The following FRMPD4 variants were observed in gnomAD, a reference collection of about 807,000 sequenced individuals.
FRMPD4 encodes the protein FERM and PDZ domain containing 4.
In FRMPD4, 22 loss-of-function variants were observed where a neutral mutation model predicts 94.1. The observed-to-expected ratio is 0.23, with a 90% CI of 0.17 to 0.33. The LOEUF (loss-of-function observed/expected upper bound fraction) is 0.33. FRMPD4 is among the 10% of genes least tolerant of loss of function. FRMPD4 has a pLI of 1.00. For synonymous variants in FRMPD4, 631 were observed against 548.6 expected (o/e 1.15, Z -2.10); for missense variants, 1,111 against 1,339.9 (o/e 0.83, Z 2.67).
At chrX:11,974,957 G>A (rs944167727) in intron 3 of FRMPD4, among the ~76,000 whole-genome samples, 4 of 111,797 alleles carry the variant, frequency 3.6e-5, no homozygotes, top group African/African-American at 1.3e-4. Context: ...TTCCTGATAT[G>A]CTAGGGCTGA....
chrX:12,325,364 G>A (rs1473930848), intron 1 of FRMPD4, among the ~76,000 whole-genome samples: 5 of 112,530 alleles, frequency 4.4e-5, no homozygotes, highest in Non-Finnish European at 3.8e-5. Context: ...TTTGCCATCT[G>A]GCCTTTCACA....
Position 12,182,576 on chromosome X carries a change from A to AT in FRMPD4, c.41+43564_41+43565insT, listed in dbSNP as rs1491448902. Among the ~76,000 whole-genome samples, 50 of 108,541 alleles carry AT rather than the reference A, an allele frequency of 4.6e-4. 1 individual carries two copies. In the East Asian group the frequency reaches 7.8e-3, roughly 17 times the overall value. The allele number at this position is 108,541 out of a possible 115,157, so 94.3% of individuals were successfully genotyped here. A position where few individuals can be genotyped will look rare whatever the true frequency, so the allele number is the denominator to read the frequency against. ...GGAGGGGGAAAATAAATAAATAAATAAATATATATATATATGTCATCACTT... is the reference window on the plus strand; with the variant it reads ...GGAGGGGGAAAATAAATAAATAAATATAATATATATATATATGTCATCACTT... On this transcript the variant is annotated intron_variant, in intron 1 of 16. Transcript: ENST00000675598.
At chrX:12,675,064 A>G (rs1261683323) in intron 5 of FRMPD4, among the ~76,000 whole-genome samples, 156 bp downstream of exon 5, 5 of 112,161 alleles carry the variant, frequency 4.5e-5, no homozygotes, top group Non-Finnish European at 9.4e-5. Context: ...TGTAATTTAT[A>G]CTCCATGTTA....
chrX:12,482,059 T>C (rs944747754), intron 1 of FRMPD4, among the ~76,000 whole-genome samples: 1 of 108,543 alleles, frequency 9.2e-6, no homozygotes, highest in Non-Finnish European at 1.9e-5. Context: ...TCTTCATCCT[T>C]ATCGTCTTCA....
chrX:12,500,739 T>C (rs1324341790), intron 2 of FRMPD4, among the ~76,000 whole-genome samples: 2 of 111,632 alleles, frequency 1.8e-5, no homozygotes, highest in Non-Finnish European at 3.8e-5. Flanking sequence ...CCCCAGAGTT[T>C]GAATTCATAA....
chrX:12,626,567 G>T (rs945067536), intron 4 of FRMPD4, among the ~76,000 whole-genome samples: 1 of 100,385 alleles, frequency 1.0e-5, no homozygotes, highest in Non-Finnish European at 2.0e-5. Flanking sequence ...TTACTTGGGG[G>T]GCCCAGCAAA....
intron 1 of FRMPD4, among the ~76,000 whole-genome samples, chrX:12,288,941 A>G (rs1309606762): frequency 8.9e-6 from 1 of 112,157 alleles, no homozygotes; most frequent in African/African-American, 3.2e-5. Flanking sequence ...GTGTTAGGAG[A>G]TGAGCTGATT....
chrX:11,874,911 C>T (rs1011071250), intron 2 of FRMPD4, among the ~76,000 whole-genome samples: 5 of 111,321 alleles, frequency 4.5e-5, no homozygotes, highest in Admixed American at 2.9e-4. Flanking sequence ...ATAGGGAGCT[C>T]ATCATATTCC....
chrX:12,435,932 AATTT>A (rs2057061629), intron 1 of FRMPD4, among the ~76,000 whole-genome samples: 1 of 111,505 alleles, frequency 9.0e-6, no homozygotes, highest in Non-Finnish European at 1.9e-5. Flanking sequence ...CCAGATTTTA[AATTT>A]ATTACCTTAA....
chrX:12,163,462 TAAAAA>T lies in FRMPD4; in HGVS notation c.41+24472_41+24476del, dbSNP rs201319402. On this transcript the variant is annotated intron_variant, in intron 1 of 16. Transcript: ENST00000675598. ...TTTTTTTTATTCCAATGACCCTTTG[TAAAAA>T]AAAAAAAAAAAAAAAAAAAAATAGA... 6.8e-3 allele frequency among the ~76,000 whole-genome samples: 462 copies of T among 67,627 alleles called. 3 individuals carry two copies. The highest frequency in any genetic ancestry group is 0.021 in the African/African-American group (367 of 17,791). The allele number at this position is 67,627 out of a possible 115,157, so 58.7% of individuals were successfully genotyped here. A position where few individuals can be genotyped will look rare whatever the true frequency, so the allele number is the denominator to read the frequency against.
intron 4 of FRMPD4, among the ~76,000 whole-genome samples, chrX:12,626,184 C>T (rs1380152273): frequency 9.1e-6 from 1 of 109,383 alleles, no homozygotes; most frequent in African/African-American, 3.3e-5. Flanking sequence ...TAAAAATTAG[C>T]CAGGCATGGT....
At chrX:12,018,120 C>A (rs1476401058) in intron 3 of FRMPD4, among the ~76,000 whole-genome samples, 1 of 109,793 alleles carries the variant, frequency 9.1e-6, no homozygotes, top group East Asian at 2.8e-4. Context: ...TAACAAAGAA[C>A]CACAAACTAC....
At chrX:12,694,200 G>T (rs1786858700) in intron 8 of FRMPD4, 135 bp from the exon 9 acceptor site, 5 of 466,659 alleles carry the variant, frequency 1.1e-5, no homozygotes, top group Non-Finnish European at 1.5e-5. Flanking sequence ...TTCAGGGAAT[G>T]AGTATCTATA....
intron 2 of FRMPD4, among the ~76,000 whole-genome samples, chrX:12,525,290 T>G (rs1267205215): frequency 9.0e-6 from 1 of 111,663 alleles, no homozygotes; most frequent in Non-Finnish European, 1.9e-5. Context: ...TAGGCACAAC[T>G]GACCAGCATT....
chrX:12,033,156 T>C (rs1386577414), intron 3 of FRMPD4, among the ~76,000 whole-genome samples: 1 of 111,760 alleles, frequency 8.9e-6, no homozygotes, highest in African/African-American at 3.3e-5. Context: ...TTGTTAGGGT[T>C]AAGATTAGGC....
intron 1 of FRMPD4, among the ~76,000 whole-genome samples, chrX:12,211,459 A>G (rs1206048512): frequency 8.9e-6 from 1 of 112,240 alleles, no homozygotes; most frequent in Admixed American, 9.4e-5. Flanking sequence ...TTCTATCTGC[A>G]TGTTTAGTTT....
chrX:12,549,106 A>G (rs776728874), intron 2 of FRMPD4, among the ~76,000 whole-genome samples: 1 of 111,814 alleles, frequency 8.9e-6, no homozygotes, highest in East Asian at 2.8e-4. Flanking sequence ...GAATACTGAT[A>G]CAACTAGCAA....
chrX:12,544,391 G>C (rs762740678), intron 2 of FRMPD4, among the ~76,000 whole-genome samples: 1 of 111,527 alleles, frequency 9.0e-6, no homozygotes, highest in South Asian at 3.8e-4. Context: ...TGTCTTAATA[G>C]GCTATATTTC....
chrX:12,269,415 C>T (rs977496638), intron 1 of FRMPD4, among the ~76,000 whole-genome samples: 4 of 111,645 alleles, frequency 3.6e-5, no homozygotes, highest in Non-Finnish European at 7.5e-5. Context: ...CTGTTCTATA[C>T]ATTGATCCAC....
Sources: gnomAD v4.1 joint callset for allele counts (sites outside exome capture counted in the v4.1 genomes callset) on GRCh38, gnomAD v4.1.1 for gene constraint, MANE v1.5 for transcripts, NCBI Gene and HGNC (gene_info 2026-07-23, HGNC 2026-07-21) for gene names.